Variants in FCF1 observed in about 807,000 individuals in gnomAD.
The protein encoded by FCF1 is FCF1 rRNA-processing protein, also known as rRNA-processing protein FCF1 homolog.
A neutral mutation model predicts 32.5 loss-of-function variants in FCF1; 17 were observed. The ratio of observed to expected loss-of-function variants is 0.52; its 90% CI spans 0.36 to 0.78. FCF1 has a LOEUF of 0.78. Ranked by LOEUF, FCF1 falls within the 30% of genes least tolerant of loss-of-function variation. The pLI is 0.00. For synonymous variants in FCF1, 84 were observed against 78.4 expected (o/e 1.07, Z -0.38); for missense variants, 201 against 241.1 (o/e 0.83, Z 1.10).
chr14:74,724,081 T>C (rs1356318697), intron 5 of FCF1, among the ~76,000 whole-genome samples: 1 of 152,176 alleles, frequency 6.6e-6, no homozygotes, highest in Non-Finnish European at 1.5e-5. Context: ...GTTAAGACCA[T>C]GAAGCAATGG....
At position 74,737,696 on chromosome 14, in the gene FCF1, A is replaced by G. The variant is rs2090719278; in HGVS notation, c.*2766A>G. 6.6e-6 allele frequency: 1 copy of G among 152,218 alleles called. No individual in the cohort carries two copies. Among genetic ancestry groups the G allele is most frequent in the Non-Finnish European group, 1.5e-5 (1 of 68,056 alleles). 9.4% of individuals were successfully genotyped at this position (152,218 alleles called of 1,614,324 possible). On this transcript the variant is annotated 3_prime_UTR_variant, in exon 8 of 8. Coordinates refer to ENST00000341162, the MANE Select transcript of FCF1 (RefSeq NM_015962.5). ...CAAGGTGGCTATCCATTTGAAAAAA[A>G]ATTAGGCCGGGCGTGGTGGCTCACA... is the stretch of plus-strand genomic sequence containing the variant.
At chr14:74,722,851 G>C (rs2140027794) in intron 4 of FCF1, among the ~76,000 whole-genome samples, 1 of 152,054 alleles carries the variant, frequency 6.6e-6, no homozygotes, top group African/African-American at 2.4e-5. Context: ...GCTGAGGTGG[G>C]AGAATCATTA....
chr14:74,730,105 G>C (rs2090615106), intron 5 of FCF1, among the ~76,000 whole-genome samples: 1 of 151,308 alleles, frequency 6.6e-6, no homozygotes, highest in Non-Finnish European at 1.5e-5. Flanking sequence ...GAGTTCTGTA[G>C]ATGTCTATGA....
intron 6 of FCF1, among the ~76,000 whole-genome samples, chr14:74,733,075 T>C (rs572643352): frequency 6.6e-6 from 1 of 152,332 alleles, no homozygotes; most frequent in East Asian, 1.9e-4. Flanking sequence ...TCTCAGCACC[T>C]GCATTTACTG....
intron 6 of FCF1, 62 bp from the exon 7 acceptor site, chr14:74,734,014 T>C (rs1375532302): frequency 9.3e-6 from 10 of 1,069,618 alleles, no homozygotes; most frequent in Middle Eastern, 2.0e-4. Flanking sequence ...TGTGCCATTA[T>C]CCAGTATTCA....
At chr14:74,727,085 A>G (rs1056770795) in intron 5 of FCF1, among the ~76,000 whole-genome samples, 3 of 152,170 alleles carry the variant, frequency 2.0e-5, no homozygotes, top group Admixed American at 2.0e-4. Flanking sequence ...ATGTGCCTTT[A>G]TAGCAGCATG....
intron 4 of FCF1, among the ~76,000 whole-genome samples, chr14:74,720,756 C>G (rs1287662440): frequency 6.6e-6 from 1 of 152,158 alleles, no homozygotes; most frequent in Non-Finnish European, 1.5e-5. Context: ...CTCAAGTGAT[C>G]CTGCAGCCAC....
intron 4 of FCF1, among the ~76,000 whole-genome samples, chr14:74,721,346 C>G (rs2090500361): frequency 6.6e-6 from 1 of 152,114 alleles, no homozygotes; most frequent in African/African-American, 2.4e-5. Context: ...CACACCCAGC[C>G]CTAATTTTTA....
intron 4 of FCF1, among the ~76,000 whole-genome samples, chr14:74,718,764 G>T (rs1433781740): frequency 3.4e-4 from 52 of 151,926 alleles, no homozygotes; most frequent in Admixed American, 3.4e-3. Context: ...GAGCCACCAC[G>T]CCTGGCCAGT....
rs1474996594 is a variant in FCF1, at chr14:74,736,677, A to G, written c.*1747A>G. ...ACATTTATACAATTATAAATTGTCA[A>G]TTTACAATAAAAAATTTTTGTTGCG... is the stretch of plus-strand genomic sequence containing the variant. On this transcript the variant is annotated 3_prime_UTR_variant, in exon 8 of 8. Transcript: ENST00000341162. 1 of 152,194 alleles carries G rather than the reference A, an allele frequency of 6.6e-6. No individual in the cohort carries two copies. The allele number at this position is 152,194 out of a possible 1,614,324, so 9.4% of individuals were successfully genotyped here. A position where few individuals can be genotyped will look rare whatever the true frequency, so the allele number is the denominator to read the frequency against.
At chr14:74,719,820 T>C (rs1342162061) in intron 4 of FCF1, among the ~76,000 whole-genome samples, 1 of 152,084 alleles carries the variant, frequency 6.6e-6, no homozygotes, top group African/African-American at 2.4e-5. Flanking sequence ...GGAGCAATTA[T>C]AAAAATTCAT....
intron 6 of FCF1, among the ~76,000 whole-genome samples, chr14:74,733,471 C>G (rs1394740753): frequency 6.6e-6 from 1 of 152,204 alleles, no homozygotes; most frequent in East Asian, 1.9e-4. Context: ...CACTCTGCCA[C>G]TTTTTATAAA....
intron 5 of FCF1, among the ~76,000 whole-genome samples, chr14:74,728,871 T>G (rs2090602455): frequency 6.6e-6 from 1 of 152,234 alleles, no homozygotes; most frequent in South Asian, 2.1e-4. Context: ...ATGTGGTTTT[T>G]GTCTTTGGTT....
Position 74,736,256 on chromosome 14 carries a change from A to G in FCF1, c.*1326A>G, listed in dbSNP as rs2090706564. ...AAACCCCACCTCTACTAAAAATACA[A>G]AAAAAATTAGCTGGGTATGGTGTCA... On this transcript the variant is annotated 3_prime_UTR_variant, in exon 8 of 8. Transcript: ENST00000341162. 1 of 152,018 alleles carries G rather than the reference A, an allele frequency of 6.6e-6. No homozygotes were observed. Among genetic ancestry groups the G allele is most frequent in the Non-Finnish European group, 1.5e-5 (1 of 68,040 alleles). 9.4% of individuals were successfully genotyped at this position (152,018 alleles called of 1,614,324 possible).
chr14:74,724,037 A>C (rs2090543368), intron 5 of FCF1, among the ~76,000 whole-genome samples: 1 of 152,168 alleles, frequency 6.6e-6, no homozygotes, highest in African/African-American at 2.4e-5. Flanking sequence ...AGATTGGCAA[A>C]AATTTTTTAA....
At chr14:74,730,472 G>C (rs2090621589) in intron 5 of FCF1, among the ~76,000 whole-genome samples, 1 of 152,004 alleles carries the variant, frequency 6.6e-6, no homozygotes, top group Non-Finnish European at 1.5e-5. Context: ...CTGGCACTTA[G>C]GAAGGCTGTG....
chr14:74,731,461 A>G (rs1293567881), intron 5 of FCF1, among the ~76,000 whole-genome samples: 1 of 152,138 alleles, frequency 6.6e-6, no homozygotes, highest in Non-Finnish European at 1.5e-5. Context: ...CAGCCTGCTT[A>G]GTTTTTCCAA....
chr14:74,730,790 G>A (rs1017786559), intron 5 of FCF1, among the ~76,000 whole-genome samples: 2 of 152,026 alleles, frequency 1.3e-5, no homozygotes, highest in African/African-American at 2.4e-5. Context: ...ATCTGAGGTC[G>A]GGAGTTCTAG....
At chr14:74,724,170 A>G (rs1284927257) in intron 5 of FCF1, among the ~76,000 whole-genome samples, 1 of 152,224 alleles carries the variant, frequency 6.6e-6, no homozygotes, top group Non-Finnish European at 1.5e-5. Context: ...GGTAAAATCC[A>G]GGTTGTTCAT....
Sources: allele counts gnomAD v4.1 joint callset (sites outside exome capture counted in the v4.1 genomes callset), GRCh38; gene constraint gnomAD v4.1.1; transcripts MANE v1.5; gene names NCBI Gene and HGNC (gene_info 2026-07-23, HGNC 2026-07-21).